The following MECOM variants were observed in gnomAD, a reference collection of about 807,000 sequenced individuals.
MECOM encodes the protein histone-lysine N-methyltransferase MECOM.
Under a neutral mutation model 116.3 loss-of-function variants are expected in MECOM, and 13 were observed. The ratio of observed to expected loss-of-function variants is 0.11; its 90% CI spans 0.07 to 0.18. The LOEUF (loss-of-function observed/expected upper bound fraction) is 0.18, where lower values mean the gene tolerates loss of function less well. Among genes scored for constraint, MECOM ranks in the 10% least tolerant of loss-of-function variants. The probability of loss-of-function intolerance (pLI) is 1.00; values close to 1 mark genes in which losing one functional copy is unlikely to be tolerated. For missense variants in MECOM, 1,299 were observed against 1,509.0 expected, an observed-to-expected ratio of 0.86 and a Z score of 2.31; for synonymous variants, 528 against 535.2, an observed-to-expected ratio of 0.99 and a Z score of 0.19.
chr3:169,550,910 G>A lies in MECOM; in HGVS notation c.37+112426C>T, dbSNP rs867080846. On this transcript the variant is annotated intron_variant, in intron 1 of 16. Coordinates refer to ENST00000651503, the MANE Select transcript of MECOM (RefSeq NM_004991.4). ...GGGATCTCGGCTCACTGCAAGCTCC[G>A]CCTCCCGGGTTCACGCCATTCTCCT... 2.0e-3 allele frequency among the ~76,000 whole-genome samples: 176 copies of A among 86,330 alleles called. 19 individuals are homozygous for A. The Middle Eastern group carries it at 0.027, about 13-fold the overall frequency. 56.6% of individuals were successfully genotyped at this position (86,330 alleles called of 152,430 possible). A position where few individuals can be genotyped will look rare whatever the true frequency, so the allele number is the denominator to read the frequency against.
intron 1 of MECOM, among the ~76,000 whole-genome samples, chr3:169,412,067 C>A (rs1386425188): frequency 6.6e-6 from 1 of 151,714 alleles, no homozygotes; most frequent in Non-Finnish European, 1.5e-5. Context: ...AGGTGGATCA[C>A]CTGAGATCAG....
intron 2 of MECOM, among the ~76,000 whole-genome samples, chr3:169,203,361 G>T (rs1195481858): frequency 6.6e-6 from 1 of 151,926 alleles, no homozygotes; most frequent in East Asian, 1.9e-4. Flanking sequence ...TAGCTGGATT[G>T]GAGTCTAAGT....
At chr3:169,636,807 A>C (rs1252254247) in intron 1 of MECOM, among the ~76,000 whole-genome samples, 2 of 152,220 alleles carry the variant, frequency 1.3e-5, no homozygotes, top group African/African-American at 2.4e-5. Flanking sequence ...CCCCACTCCC[A>C]CCATGATCTA....
At chr3:169,205,493 A>G (rs577687562) in intron 2 of MECOM, among the ~76,000 whole-genome samples, 12 of 152,294 alleles carry the variant, frequency 7.9e-5, no homozygotes, top group African/African-American at 2.9e-4. Flanking sequence ...AAAAGTTAAG[A>G]CAAGGCTTTC....
At chr3:169,210,799 G>C (rs1010977684) in intron 2 of MECOM, among the ~76,000 whole-genome samples, 1 of 151,946 alleles carries the variant, frequency 6.6e-6, no homozygotes, top group African/African-American at 2.4e-5. Context: ...AATAATTATT[G>C]ATTATTATAG....
chr3:169,516,110 A>G (rs894772448), intron 1 of MECOM, among the ~76,000 whole-genome samples: 2 of 152,206 alleles, frequency 1.3e-5, no homozygotes, highest in Non-Finnish European at 2.9e-5. Context: ...CCTTGACAAT[A>G]TGGTCATTTG....
chr3:169,311,398 C>G (rs563638371), intron 2 of MECOM, among the ~76,000 whole-genome samples: 1 of 152,152 alleles, frequency 6.6e-6, no homozygotes, highest in Non-Finnish European at 1.5e-5. Context: ...GCTGAAAACA[C>G]CCTAATTTTG....
intron 1 of MECOM, among the ~76,000 whole-genome samples, chr3:169,468,976 G>T (rs1420774987): frequency 6.6e-6 from 1 of 152,204 alleles, no homozygotes; most frequent in African/African-American, 2.4e-5. Flanking sequence ...TTTGGGCACT[G>T]TGATGGGTGT....
At chr3:169,341,754 A>C (rs1577780981) in intron 2 of MECOM, among the ~76,000 whole-genome samples, 1 of 151,810 alleles carries the variant, frequency 6.6e-6, no homozygotes, top group African/African-American at 2.4e-5. Context: ...AAAAAAAAAG[A>C]ACAAATGAAT....
At chr3:169,172,411 G>GTC (rs1375167875) in intron 2 of MECOM, among the ~76,000 whole-genome samples, 1 of 141,272 alleles carries the variant, frequency 7.1e-6, no homozygotes, top group Non-Finnish European at 1.6e-5. Flanking sequence ...CCTTGTATGT[G>GTC]TGTGTGTGTG....
At chr3:169,320,340 G>A (rs2149749963) in intron 2 of MECOM, among the ~76,000 whole-genome samples, 1 of 152,338 alleles carries the variant, frequency 6.6e-6, no homozygotes, top group Non-Finnish European at 1.5e-5. Context: ...TCTGAGGCCA[G>A]CCAGAAAGTC....
chr3:169,210,843 T>G (rs1205113406), intron 2 of MECOM, among the ~76,000 whole-genome samples: 1 of 152,140 alleles, frequency 6.6e-6, no homozygotes, highest in Non-Finnish European at 1.5e-5. Flanking sequence ...TATAGATTAG[T>G]TTCCCTGTCC....
intron 2 of MECOM, among the ~76,000 whole-genome samples, chr3:169,340,687 G>A (rs1404583588): frequency 2.0e-5 from 3 of 152,122 alleles, no homozygotes; most frequent in African/African-American, 4.8e-5. Context: ...CAATTAAAAT[G>A]TTTTAAAAAT....
At chr3:169,276,778 A>G (rs1242518840) in intron 2 of MECOM, among the ~76,000 whole-genome samples, 1 of 152,224 alleles carries the variant, frequency 6.6e-6, no homozygotes, top group Non-Finnish European at 1.5e-5. Context: ...AAACAATGTA[A>G]TCACCTTAAA....
At chr3:169,167,767 ACACT>A (rs1408736839) in intron 2 of MECOM, among the ~76,000 whole-genome samples, 2 of 152,092 alleles carry the variant, frequency 1.3e-5, no homozygotes, top group Non-Finnish European at 2.9e-5. Context: ...ACATACACAG[ACACT>A]CACACACACA....
intron 1 of MECOM, among the ~76,000 whole-genome samples, chr3:169,654,287 A>G (rs929133733): frequency 3.3e-5 from 5 of 152,226 alleles, no homozygotes; most frequent in Non-Finnish European, 5.9e-5. Context: ...AATACAACTC[A>G]TGATAATAAA....
At chr3:169,320,651 C>T (rs1019981969) in intron 2 of MECOM, among the ~76,000 whole-genome samples, 5 of 152,200 alleles carry the variant, frequency 3.3e-5, no homozygotes, top group African/African-American at 4.8e-5. Flanking sequence ...TTCAAGAAAA[C>T]GTCCTAGAAT....
intron 1 of MECOM, among the ~76,000 whole-genome samples, chr3:169,416,989 A>T (rs1578035127): frequency 6.6e-6 from 1 of 152,182 alleles, no homozygotes; most frequent in African/African-American, 2.4e-5. Context: ...CGTTAGACCT[A>T]AAACCATAAA....
chr3:169,479,005 T>C (rs1463355930), intron 1 of MECOM, among the ~76,000 whole-genome samples: 1 of 152,200 alleles, frequency 6.6e-6, no homozygotes, highest in African/African-American at 2.4e-5. Context: ...TCACCTATTA[T>C]GTACCAGGCA....
Sources: gnomAD v4.1 joint callset for allele counts (sites outside exome capture counted in the v4.1 genomes callset) on GRCh38, gnomAD v4.1.1 for gene constraint, MANE v1.5 for transcripts, NCBI Gene and HGNC (gene_info 2026-07-23, HGNC 2026-07-21) for gene names.